The following NCAM2 variants were observed in gnomAD, a reference collection of about 807,000 sequenced individuals.
NCAM2 encodes the protein N-CAM-2.
NCAM2 carries 30 observed loss-of-function variants against 98.1 expected under a neutral mutation model. The ratio of observed to expected loss-of-function variants is 0.31; its 90% CI spans 0.23 to 0.41. NCAM2 has a LOEUF of 0.41. Among genes scored for constraint, NCAM2 ranks in the 10% least tolerant of loss-of-function variants. The pLI, the probability that NCAM2 is intolerant of heterozygous loss-of-function variation, is 1.00. For synonymous variants in NCAM2, 368 were observed against 342.4 expected (o/e 1.07, Z -0.83); for missense variants, 867 against 1,005.8 (o/e 0.86, Z 1.87).
At chr21:21,175,335 C>G (rs1366185508) in intron 1 of NCAM2, among the ~76,000 whole-genome samples, 1 of 152,056 alleles carries the variant, frequency 6.6e-6, no homozygotes, top group Non-Finnish European at 1.5e-5. Context: ...GAGATCGAGA[C>G]CATCCTGGCC....
chr21:21,415,020 A>C (rs777431201), intron 10 of NCAM2, among the ~76,000 whole-genome samples: 10 of 151,878 alleles, frequency 6.6e-5, no homozygotes, highest in Non-Finnish European at 1.5e-4. Context: ...GGCTGTAAAC[A>C]GATGTTCTGT....
intron 12 of NCAM2, among the ~76,000 whole-genome samples, chr21:21,443,705 G>A (rs1979662413): frequency 6.6e-6 from 1 of 152,074 alleles, no homozygotes; most frequent in African/African-American, 2.4e-5. Flanking sequence ...TTCCATTATA[G>A]TAGAGGCAGT....
chr21:21,527,257 G>T (rs190784780), intron 16 of NCAM2, among the ~76,000 whole-genome samples: 1 of 151,926 alleles, frequency 6.6e-6, no homozygotes, highest in African/African-American at 2.4e-5. Context: ...GATTACAGGC[G>T]CGTGCCATCA....
chr21:21,091,323 G>A (rs903910551), intron 1 of NCAM2, among the ~76,000 whole-genome samples: 9 of 151,648 alleles, frequency 5.9e-5, no homozygotes, highest in Admixed American at 5.9e-4. Flanking sequence ...CCTACTTCTG[G>A]GTTATTTATT....
At chr21:21,335,909 C>T (rs975489132) in intron 7 of NCAM2, among the ~76,000 whole-genome samples, 6 of 152,088 alleles carry the variant, frequency 3.9e-5, no homozygotes, top group African/African-American at 9.7e-5. Context: ...ATTTAAATTA[C>T]ACCTAGTGGG....
chr21:21,361,643 T>A (rs1017908259), intron 8 of NCAM2, among the ~76,000 whole-genome samples: 1 of 152,116 alleles, frequency 6.6e-6, no homozygotes, highest in Non-Finnish European at 1.5e-5. Context: ...TTCTGTAATC[T>A]CCAAATTTCA....
At chr21:21,436,752 G>A (rs1338679824) in intron 12 of NCAM2, among the ~76,000 whole-genome samples, 1 of 142,058 alleles carries the variant, frequency 7.0e-6, no homozygotes, top group Non-Finnish European at 1.5e-5. Flanking sequence ...TGTGTCTACA[G>A]AAGCAACTTT....
intron 8 of NCAM2, among the ~76,000 whole-genome samples, chr21:21,372,365 A>G (rs554058797): frequency 6.6e-6 from 1 of 151,900 alleles, no homozygotes; most frequent in South Asian, 2.1e-4. Flanking sequence ...GCGTTTTTGT[A>G]AAGGATGGAA....
At chr21:21,119,478 T>A (rs2146559477) in intron 1 of NCAM2, among the ~76,000 whole-genome samples, 1 of 152,184 alleles carries the variant, frequency 6.6e-6, no homozygotes, top group East Asian at 1.9e-4. Flanking sequence ...TTCTTGGCCT[T>A]AAGTTTATGG....
At chr21:21,033,958 C>T (rs1226077461) in intron 1 of NCAM2, among the ~76,000 whole-genome samples, 3 of 150,078 alleles carry the variant, frequency 2.0e-5, no homozygotes, top group South Asian at 2.1e-4. Context: ...GTCCCCCATT[C>T]GAAACTTTAT....
chr21:21,319,963 AC>A (rs1347802969), intron 5 of NCAM2, among the ~76,000 whole-genome samples: 1 of 152,140 alleles, frequency 6.6e-6, no homozygotes, highest in Non-Finnish European at 1.5e-5. Flanking sequence ...TGCCAATGGA[AC>A]CTTTTTTTGA....
intron 1 of NCAM2, among the ~76,000 whole-genome samples, chr21:21,017,424 CAAAAAAAAAAAA>C (rs11461275): frequency 1.7e-5 from 1 of 58,778 alleles, no homozygotes; most frequent in South Asian, 1.1e-3. Context: ...GACTCTGTCT[CAAAAAAAAAAAA>C]AAAAAAAAAA....
intron 1 of NCAM2, among the ~76,000 whole-genome samples, chr21:21,043,908 TTAAAA>T (rs1174090760): frequency 6.6e-6 from 1 of 151,276 alleles, no homozygotes. Context: ...TTTGCAAATA[TTAAAA>T]TAATTTAAAA....
chr21:21,514,852 A>ACTTTCT (rs1988620225), intron 16 of NCAM2, among the ~76,000 whole-genome samples: 1 of 151,990 alleles, frequency 6.6e-6, no homozygotes, highest in South Asian at 2.1e-4. Context: ...TCCACTTTTC[A>ACTTTCT]CTTTCTCTAT....
At chr21:21,195,937 G>A (rs910949145) in intron 1 of NCAM2, among the ~76,000 whole-genome samples, 11 of 152,192 alleles carry the variant, frequency 7.2e-5, no homozygotes, top group Non-Finnish European at 1.5e-4. Flanking sequence ...GGATGGAGAG[G>A]TAGTTTAAAA....
intron 1 of NCAM2, among the ~76,000 whole-genome samples, chr21:21,146,259 T>C (rs976578301): frequency 1.3e-5 from 2 of 151,980 alleles, no homozygotes; most frequent in African/African-American, 4.8e-5. Context: ...ATTGGTGTTA[T>C]CACAGCCTTA....
chr21:21,013,564 T>C (rs2064248639), intron 1 of NCAM2, among the ~76,000 whole-genome samples: 1 of 152,052 alleles, frequency 6.6e-6, no homozygotes, highest in African/African-American at 2.4e-5. Flanking sequence ...GGCAGATCAT[T>C]TGAGGTCAGG....
chr21:21,082,840 G>A (rs960161640), intron 1 of NCAM2, among the ~76,000 whole-genome samples: 1 of 152,058 alleles, frequency 6.6e-6, no homozygotes, highest in Admixed American at 6.5e-5. Flanking sequence ...TTGAACCTTC[G>A]TACTTCTGTT....
At chr21:21,536,166 G>A (rs111433584) in intron 17 of NCAM2, among the ~76,000 whole-genome samples, 4 of 151,760 alleles carry the variant, frequency 2.6e-5, no homozygotes, top group African/African-American at 9.7e-5. Context: ...TTGGTACAAT[G>A]TTTTTTAATG....
Sources: gnomAD v4.1 joint callset for allele counts (sites outside exome capture counted in the v4.1 genomes callset) on GRCh38, gnomAD v4.1.1 for gene constraint, MANE v1.5 for transcripts, NCBI Gene and HGNC (gene_info 2026-07-23, HGNC 2026-07-21) for gene names.